The following GRB7 variants were observed in gnomAD, a reference collection of about 807,000 sequenced individuals.
The protein encoded by GRB7 is growth factor receptor bound protein 7, also known as growth factor receptor-bound protein 7.
GRB7 carries 47 observed loss-of-function variants against 64.1 expected under a neutral mutation model. The observed-to-expected ratio is 0.73, with a 90% CI of 0.58 to 0.94. The LOEUF is 0.94. Ranked by LOEUF, GRB7 falls within the 40% of genes least tolerant of loss-of-function variation. The probability of loss-of-function intolerance (pLI) is 0.00; values close to 1 mark genes in which losing one functional copy is unlikely to be tolerated. For synonymous variants in GRB7, 277 were observed against 279.9 expected (o/e 0.99, Z 0.10); for missense variants, 634 against 718.4 (o/e 0.88, Z 1.34).
In GRB7 at chr17:39,745,774, C is replaced by T. The variant is rs145723329; in HGVS notation, c.1256C>T (p.Thr419Met). 8.7e-6 allele frequency: 14 copies of T among 1,613,830 alleles called. No individual in the cohort carries two copies. The highest frequency in any genetic ancestry group is 7.7e-5 in the South Asian group (7 of 91,084). The change falls in exon 12 of 15, where the codon ACG becomes ATG. Residue 419 changes from threonine to methionine, a missense_variant. Around this residue, in one of 2 missense-constraint regions of GRB7, gnomAD observed 467 missense variants for 576.6 expected, o/e 0.81. Coordinates refer to ENST00000309156, the MANE Select transcript of GRB7 (RefSeq NM_005310.5). Reference protein sequence around the residue: ...RLSLPMPASGTSLSAAIHRTQ... With the variant: ...RLSLPMPASGMSLSAAIHRTQ... ...AGCCTGCCCATGCCAGCCTCCGGCACGAGCCTCAGTGCAGGTGGGTGACGG... is the reference window on the plus strand; with the variant it reads ...AGCCTGCCCATGCCAGCCTCCGGCATGAGCCTCAGTGCAGGTGGGTGACGG...
At position 39,742,481 on chromosome 17, in the gene GRB7, G is replaced by A. The variant is rs111286440; in HGVS notation, c.155+25G>A. 2.9e-4 allele frequency: 467 copies of A among 1,612,970 alleles called. 2 individuals carry two copies. The African/African-American group carries it at 5.4e-3, about 19-fold the overall frequency. ...GGTACGATGGGGCGTGGGGCTTGGG[G>A]GAGGTCAGTGCTGGATAATACACAG... is the stretch of plus-strand genomic sequence containing the variant. On this transcript the variant is annotated intron_variant, in intron 2 of 14. Transcript: ENST00000309156.
At chr17:39,745,653 G>A in intron 11 of GRB7, 75 bp from the exon 12 acceptor site, 6 of 1,574,890 alleles carry the variant, frequency 3.8e-6, no homozygotes, top group Non-Finnish European at 4.4e-6. Flanking sequence ...GGGAAGAAGT[G>A]CTCTACCTTC....
rs2060054787 is a variant in GRB7 at position 39,747,038 on chromosome 17, C to T, written c.*141C>T. On this transcript the variant is annotated 3_prime_UTR_variant, in exon 15 of 15. Coordinates refer to ENST00000309156, the MANE Select transcript of GRB7 (RefSeq NM_005310.5). ...TCCGCCACTCCAGTTTTCTCCTCTG[C>T]TTCTTTGCCTCCCTCAGATAGAAAA... The T allele has an allele frequency of 4.6e-6, 4 of 861,256 alleles. No homozygotes were observed. The Admixed American group carries it at 8.2e-5, about 18-fold the overall frequency. The allele number at this position is 861,256 out of a possible 1,614,324, so 53.4% of individuals were successfully genotyped here.
At chr17:39,744,480 AC>A (rs1334331400) in intron 7 of GRB7, 72 bp from the exon 8 acceptor site, 1 of 1,255,688 alleles carries the variant, frequency 8.0e-7, no homozygotes, top group African/African-American at 1.5e-5. Context: ...AAATCTCCCC[AC>A]CTGGCTTGTG....
At chr17:39,744,291 C>A in intron 7 of GRB7, 84 bp downstream of exon 7, 1 of 1,520,768 alleles carries the variant, frequency 6.6e-7, no homozygotes, top group East Asian at 2.3e-5. Flanking sequence ...AACCTCTGAG[C>A]CCTTCTCCCC....
At chr17:39,746,043 CTG>C (rs1438169311) in intron 13 of GRB7, 43 bp downstream of exon 13, 2 of 1,612,102 alleles carry the variant, frequency 1.2e-6, no homozygotes, top group African/African-American at 1.3e-5. Flanking sequence ...ATAAGAGAGA[CTG>C]GGGTCCAGGT....
intron 1 of GRB7, chr17:39,740,108 T>A (rs1305467469): frequency 1.0e-6 from 1 of 985,502 alleles, no homozygotes; most frequent in African/African-American, 1.7e-5. Context: ...GGTCTGTGAT[T>A]TCGAGGCAGG....
intron 8 of GRB7, 105 bp from the exon 9 acceptor site, chr17:39,744,781 C>A: frequency 1.5e-6 from 2 of 1,319,462 alleles, no homozygotes; most frequent in Non-Finnish European, 2.2e-6. Context: ...CTCCCTGCAC[C>A]CTGGCCTGCT....
chr17:39,742,614 C>T lies in GRB7; in HGVS notation c.204C>T (p.Pro68=). ...GTGCCACCTCCCTCCCCTCTATCCCCAACCCCTTCCCTGAGCTCTGCAGTC... is the reference window on the plus strand; with the variant it reads ...GTGCCACCTCCCTCCCCTCTATCCCTAACCCCTTCCCTGAGCTCTGCAGTC... ...ERRATSLPSI[P]NPFPELCSPP... The change falls in exon 3 of 15, where the codon CCC becomes CCT. Residue 68 remains proline (P), a synonymous_variant. Coordinates refer to ENST00000309156, the MANE Select transcript of GRB7 (RefSeq NM_005310.5). The T allele has an allele frequency of 6.2e-7, 1 of 1,613,756 alleles. No homozygotes were observed. The highest frequency in any genetic ancestry group is 2.2e-5 in the East Asian group (1 of 44,860).
Position 39,745,751 on chromosome 17 carries a change from C to T in GRB7, c.1233C>T (p.Ser411=). 6.2e-7 allele frequency: 1 copy of T among 1,613,964 alleles called. No homozygotes were observed. Among genetic ancestry groups the T allele is most frequent in the Non-Finnish European group, 8.5e-7 (1 of 1,180,030 alleles). Residue 411 remains serine, a synonymous_variant, in exon 12 of 15, where the codon AGC becomes AGT. Transcript: ENST00000309156. The part of the protein sequence containing the change: ...AWRKKTNHRL[S]LPMPASGTSL... ...AGAAGAAGACAAACCACCGCCTCAG[C>T]CTGCCCATGCCAGCCTCCGGCACGA... is the stretch of plus-strand genomic sequence containing the variant.
At position 39,745,787 on chromosome 17, in the gene GRB7, A is replaced by G; in HGVS notation, c.1269A>G (p.Ala423=). The G allele has an allele frequency of 1.2e-6, 2 of 1,613,984 alleles. No individual in the cohort carries two copies. Among genetic ancestry groups the G allele is most frequent in the Non-Finnish European group, 1.7e-6 (2 of 1,179,996 alleles). The change falls in exon 12 of 15, where the codon GCA becomes GCG. Residue 423 remains alanine (A), a splice_region_variant and synonymous_variant. Coordinates refer to ENST00000309156, the MANE Select transcript of GRB7 (RefSeq NM_005310.5). The part of the protein sequence containing the change: ...PMPASGTSLS[A]AIHRTQLWFH... The stretch of plus-strand genomic sequence containing the variant: ...CAGCCTCCGGCACGAGCCTCAGTGC[A>G]GGTGGGTGACGGCCCCGAGTCCTGG...
At chr17:39,745,876 T>TC in intron 12 of GRB7, 37 bp from the exon 13 acceptor site, 1 of 1,612,678 alleles carries the variant, frequency 6.2e-7, no homozygotes, top group Non-Finnish European at 8.5e-7. Context: ...AGGGGTCCCC[T>TC]CCCCAAAGTG....
Position 39,744,177 on chromosome 17 carries a change from C to G in GRB7, c.771C>G (p.Gly257=), listed in dbSNP as rs767634775. The part of the protein sequence containing the change: ...KRFFCFLRRS[G]LYYSTKGTSK... ...TTTTCTGCTTCTTGCGCCGATCTGG[C>G]CTCTATTACTCCACCAAGGGCACCT... is the stretch of plus-strand genomic sequence containing the variant. The change falls in exon 7 of 15, where the codon GGC becomes GGG. Residue 257 remains glycine (G), a synonymous_variant. Transcript: ENST00000309156. 6.8e-6 allele frequency: 11 copies of G among 1,613,932 alleles called. No individual in the cohort carries two copies. Among genetic ancestry groups the G allele is most frequent in the Non-Finnish European group, 9.3e-6 (11 of 1,180,026 alleles).
Position 39,743,479 on chromosome 17 carries a change from A to AC in GRB7, c.663+15dup, listed in dbSNP as rs764272663. The AC allele has an allele frequency of 3.0e-5, 49 of 1,610,524 alleles. No homozygotes were observed. In the East Asian group the frequency reaches 6.7e-4, roughly 22 times the overall value. On this transcript the variant is annotated intron_variant, in intron 6 of 14. Coordinates refer to ENST00000309156, the MANE Select transcript of GRB7 (RefSeq NM_005310.5). ...ATGAAGACCTCATCCAGGTGGGGGGACCCCCCATTTCACTGCAGATTCACG... is the reference window on the plus strand; with the variant it reads ...ATGAAGACCTCATCCAGGTGGGGGGACCCCCCCATTTCACTGCAGATTCACG...
intron 1 of GRB7, chr17:39,739,902 T>C: frequency 1.5e-6 from 1 of 669,890 alleles, no homozygotes; most frequent in Non-Finnish European, 1.8e-6. Flanking sequence ...GCTCACCCCA[T>C]TGGTCTTGAC....
At chr17:39,742,876 G>T in intron 3 of GRB7, 22 bp from the exon 4 acceptor site, 3 of 1,563,006 alleles carry the variant, frequency 1.9e-6, no homozygotes, top group Non-Finnish European at 2.6e-6. Context: ...CCCTCAAGTC[G>T]TGTGCAATTC....
chr17:39,740,676 C>T (rs1182448131), intron 1 of GRB7, among the ~76,000 whole-genome samples: 3 of 152,166 alleles, frequency 2.0e-5, no homozygotes, highest in Non-Finnish European at 2.9e-5. Flanking sequence ...TTCCCAGCCC[C>T]GTGCCTCCCC....
In GRB7 at chr17:39,746,898, C is replaced by G; in HGVS notation, c.*1C>G. 2 of 1,605,480 alleles carry G rather than the reference C, an allele frequency of 1.2e-6. No individual in the cohort carries two copies. Among genetic ancestry groups the G allele is most frequent in the Non-Finnish European group, 1.7e-6 (2 of 1,179,114 alleles). ...TTGCTGCACGCGGGTGGCCCTCTGA[C>G]CAGGCCGTGGACTGGCTCATGCCTC... is the stretch of plus-strand genomic sequence containing the variant. On this transcript the variant is annotated 3_prime_UTR_variant, in exon 15 of 15. Transcript: ENST00000309156.
At position 39,743,374 on chromosome 17, in the gene GRB7, G is replaced by A. The variant is rs748452190; in HGVS notation, c.586-19G>A. On this transcript the variant is annotated intron_variant, in intron 5 of 14. Coordinates refer to ENST00000309156, the MANE Select transcript of GRB7 (RefSeq NM_005310.5). The stretch of plus-strand genomic sequence containing the variant: ...CCTGGATGCTGGAGCCCTGATCCCT[G>A]ACACTTGTCTACCCACAGCACTCCC... The A allele has an allele frequency of 1.9e-6, 3 of 1,614,046 alleles. No individual in the cohort carries two copies. In the African/African-American group the frequency reaches 4.0e-5, roughly 22 times the overall value.
Sources: allele counts gnomAD v4.1 joint callset (sites outside exome capture counted in the v4.1 genomes callset), GRCh38; gene constraint gnomAD v4.1.1; regional missense constraint gnomAD v4.1.1; transcripts MANE v1.5; gene names NCBI Gene and HGNC (gene_info 2026-07-23, HGNC 2026-07-21).